CNTN5: variants seen among roughly 807,000 people sequenced by gnomAD.
The protein encoded by CNTN5 is contactin-5.
In CNTN5, 77 loss-of-function variants were observed where a neutral mutation model predicts 129.1. The observed-to-expected ratio is 0.60, with a 90% CI of 0.50 to 0.72. The LOEUF is 0.72. Ranked by LOEUF, CNTN5 falls within the 30% of genes least tolerant of loss-of-function variation. The pLI is 0.00. For synonymous variants in CNTN5, 509 were observed against 465.6 expected, an observed-to-expected ratio of 1.09 and a Z score of -1.20; for missense variants, 1,478 against 1,328.8, an observed-to-expected ratio of 1.11 and a Z score of -1.75.
intron 4 of CNTN5, among the ~76,000 whole-genome samples, chr11:99,825,559 G>C (rs1946927234): frequency 6.6e-6 from 1 of 151,904 alleles, no homozygotes; most frequent in South Asian, 2.1e-4. Flanking sequence ...TTTGGATGAA[G>C]CATATTTTGT....
At chr11:100,119,513 A>C (rs1298182612) in intron 13 of CNTN5, among the ~76,000 whole-genome samples, 1 of 151,934 alleles carries the variant, frequency 6.6e-6, no homozygotes, top group African/African-American at 2.4e-5. Context: ...CTAAAGGATG[A>C]TTCCTTTAGA....
At position 99,090,252 on chromosome 11, in the gene CNTN5, T is replaced by A. The variant is rs7106854; in HGVS notation, c.-210+68982T>A. Among the ~76,000 whole-genome samples, 9 of 151,976 alleles carry A rather than the reference T, an allele frequency of 5.9e-5. No individual in the cohort carries two copies. The South Asian group carries it at 8.3e-4, about 14-fold the overall frequency. ...ATGTTTTTTAATGCGAATTTTTTTCTTTTAAATGGGATGTCTTATTACAAA... is the reference window on the plus strand; with the variant it reads ...ATGTTTTTTAATGCGAATTTTTTTCATTTAAATGGGATGTCTTATTACAAA... On this transcript the variant is annotated intron_variant, in intron 1 of 24. Coordinates refer to ENST00000524871, the MANE Select transcript of CNTN5 (RefSeq NM_014361.4).
At chr11:99,342,223 C>T (rs555740794) in intron 2 of CNTN5, among the ~76,000 whole-genome samples, 2 of 151,914 alleles carry the variant, frequency 1.3e-5, no homozygotes, top group South Asian at 4.2e-4. Context: ...TTAAAATTTA[C>T]AATCTAGTGT....
At chr11:99,942,394 G>A (rs901555946) in intron 7 of CNTN5, among the ~76,000 whole-genome samples, 2 of 151,880 alleles carry the variant, frequency 1.3e-5, no homozygotes, top group African/African-American at 4.8e-5. Flanking sequence ...AGAATGAAAA[G>A]GGGGAATATT....
At chr11:100,082,143 ATAAGT>A (rs1306708208) in intron 13 of CNTN5, among the ~76,000 whole-genome samples, 3 of 152,208 alleles carry the variant, frequency 2.0e-5, no homozygotes, top group Non-Finnish European at 4.4e-5. Flanking sequence ...GTGTGTACAA[ATAAGT>A]TAATAAATAT....
intron 2 of CNTN5, among the ~76,000 whole-genome samples, chr11:99,466,131 C>T (rs1944932330): frequency 1.3e-5 from 2 of 152,164 alleles, no homozygotes; most frequent in Non-Finnish European, 2.9e-5. Context: ...ATCCACCCGC[C>T]TTGGCCTCCC....
intron 23 of CNTN5, among the ~76,000 whole-genome samples, chr11:100,347,126 T>C (rs1335473000): frequency 6.6e-6 from 1 of 152,128 alleles, no homozygotes; most frequent in Non-Finnish European, 1.5e-5. Context: ...AGCCAAACCA[T>C]ATCAAATACA....
intron 1 of CNTN5, among the ~76,000 whole-genome samples, chr11:99,031,632 T>A: frequency 6.7e-6 from 1 of 150,000 alleles, no homozygotes; most frequent in Admixed American, 6.9e-5. Flanking sequence ...ATGAGCTATT[T>A]GAAAAAAAAA....
Position 99,122,519 on chromosome 11 carries a change from T to TTA in CNTN5, c.-210+101254_-210+101255dup, listed in dbSNP as rs201507660. On this transcript the variant is annotated intron_variant, in intron 1 of 24. Transcript: ENST00000524871. ...CAGAATGGTTGTAAAGTTAATTTTT[T>TTA]TATATAGCAGCAGCAGCAACATTAT... Among the ~76,000 whole-genome samples, 70 of 152,196 alleles carry TTA rather than the reference T, an allele frequency of 4.6e-4. No homozygotes were observed. The East Asian group carries it at 0.012, about 27-fold the overall frequency.
At chr11:99,488,691 C>A (rs1945917602) in intron 2 of CNTN5, among the ~76,000 whole-genome samples, 1 of 152,170 alleles carries the variant, frequency 6.6e-6, no homozygotes, top group East Asian at 1.9e-4. Context: ...AAAATGTAAT[C>A]TTCCTGTATA....
Position 99,990,850 on chromosome 11 carries a change from G to A in CNTN5, c.878-11184G>A, listed in dbSNP as rs575785102. On this transcript the variant is annotated intron_variant, in intron 8 of 24. Transcript: ENST00000524871. The stretch of plus-strand genomic sequence containing the variant: ...GTTGATAAATAATATATAATCTAAC[G>A]TACTACTAGATTTCTAAACCCTCAA... Among the ~76,000 whole-genome samples the A allele has an allele frequency of 1.3e-3, 205 of 152,100 alleles. 1 individual carries two copies. The highest frequency in any genetic ancestry group is 4.4e-3 in the African/African-American group (182 of 41,482).
chr11:100,254,136 C>T (rs1950022888), intron 16 of CNTN5, among the ~76,000 whole-genome samples: 1 of 152,158 alleles, frequency 6.6e-6, no homozygotes, highest in Admixed American at 6.5e-5. Flanking sequence ...CCTATCTTTA[C>T]TGAATTGGTC....
intron 3 of CNTN5, among the ~76,000 whole-genome samples, chr11:99,615,750 A>G (rs1950739968): frequency 6.6e-6 from 1 of 150,528 alleles, no homozygotes; most frequent in Admixed American, 6.7e-5. Flanking sequence ...TGGATTTTAC[A>G]CATCTTGTTT....
chr11:99,791,544 T>C lies in CNTN5; in HGVS notation c.56-28000T>C, dbSNP rs147287013. Among the ~76,000 whole-genome samples, 33 of 152,104 alleles carry C rather than the reference T, an allele frequency of 2.2e-4. 1 individual carries two copies. The East Asian group carries it at 6.4e-3, about 29-fold the overall frequency. On this transcript the variant is annotated intron_variant, in intron 3 of 24. Coordinates refer to ENST00000524871, the MANE Select transcript of CNTN5 (RefSeq NM_014361.4). ...AGTAGCATGCTGTTTTGAAGTTGGG[T>C]CACGTGATGCCTCCAGGTTTGTCCT...
chr11:99,848,873 T>G (rs971971534), intron 6 of CNTN5, among the ~76,000 whole-genome samples: 1 of 152,178 alleles, frequency 6.6e-6, no homozygotes, highest in African/African-American at 2.4e-5. Flanking sequence ...TGAGTTTTGA[T>G]TGCCTCTTTC....
intron 3 of CNTN5, among the ~76,000 whole-genome samples, chr11:99,655,696 C>T (rs1952329482): frequency 2.0e-5 from 3 of 152,024 alleles, no homozygotes; most frequent in Admixed American, 2.0e-4. Flanking sequence ...TAATAAATTC[C>T]ATTGCTGCTT....
intron 3 of CNTN5, among the ~76,000 whole-genome samples, chr11:99,570,579 G>T (rs1257449631): frequency 6.6e-6 from 1 of 152,114 alleles, no homozygotes; most frequent in Non-Finnish European, 1.5e-5. Flanking sequence ...TAATTCATTT[G>T]TCTGTTAATT....
At chr11:100,128,071 C>T (rs781286116) in intron 13 of CNTN5, among the ~76,000 whole-genome samples, 27 of 152,060 alleles carry the variant, frequency 1.8e-4, no homozygotes, top group Non-Finnish European at 1.0e-4. Flanking sequence ...GTCCTTTATG[C>T]ACCAATTATT....
At chr11:99,365,558 T>C (rs560117906) in intron 2 of CNTN5, among the ~76,000 whole-genome samples, 4 of 152,280 alleles carry the variant, frequency 2.6e-5, no homozygotes, top group Non-Finnish European at 5.9e-5. Flanking sequence ...ATTCATTTCA[T>C]TTCATTTCAT....
Sources: gnomAD v4.1 joint callset for allele counts (sites outside exome capture counted in the v4.1 genomes callset) on GRCh38, gnomAD v4.1.1 for gene constraint, MANE v1.5 for transcripts, NCBI Gene and HGNC (gene_info 2026-07-23, HGNC 2026-07-21) for gene names.